GRB14: variants seen among roughly 807,000 people sequenced by gnomAD.
The protein encoded by GRB14 is growth factor receptor-bound protein 14.
In GRB14, 38 loss-of-function variants were observed where a neutral mutation model predicts 69.1. The ratio of observed to expected loss-of-function variants is 0.55; its 90% CI spans 0.42 to 0.72. The LOEUF is 0.72. GRB14 is among the 30% of genes least tolerant of loss of function. GRB14 has a pLI of 0.00. For synonymous variants in GRB14, 247 were observed against 241.3 expected (o/e 1.02, Z -0.22); for missense variants, 666 against 666.1 (o/e 1.00, Z 0.00).
intron 2 of GRB14, among the ~76,000 whole-genome samples, chr2:164,580,807 C>T (rs1181621403): frequency 6.6e-6 from 1 of 152,148 alleles, no homozygotes; most frequent in Non-Finnish European, 1.5e-5. Flanking sequence ...TGTAACTCAG[C>T]ACCCAGGAAT....
chr2:164,608,802 T>C (rs746598858), intron 2 of GRB14, among the ~76,000 whole-genome samples: 7 of 152,192 alleles, frequency 4.6e-5, no homozygotes, highest in South Asian at 2.1e-4. Context: ...ATATTTCTTA[T>C]GTTTTTCAGG....
chr2:164,497,476 C>T lies in GRB14; in HGVS notation c.1119G>A (p.Glu373=). Residue 373 remains glutamate (E), a synonymous_variant, in exon 10 of 14, where the codon GAG becomes GAA. Transcript: ENST00000263915. The stretch of plus-strand genomic sequence containing the variant: ...AGAAGTCCATTGCTACCAGGGAATT[C>T]TCTGATATACTTCTCTGGAAAAAAG... ...QSISPMRSIS[E]NSLVAMDFSG... 2.5e-6 allele frequency: 4 copies of T among 1,594,640 alleles called. No individual in the cohort carries two copies. The highest frequency in any genetic ancestry group is 3.4e-6 in the Non-Finnish European group (4 of 1,165,618).
At chr2:164,573,810 A>G (rs1454773451) in intron 2 of GRB14, 18 of 1,612,840 alleles carry the variant, frequency 1.1e-5, no homozygotes, top group Non-Finnish European at 1.4e-5. Flanking sequence ...ATGTTGGCAG[A>G]TAAATTGAAC....
Position 164,508,780 on chromosome 2 carries a change from T to G in GRB14, c.889A>C (p.Lys297Gln). The change falls in exon 7 of 14, where the codon AAA (lysine) becomes CAA (glutamine). Residue 297 changes from lysine (K) to glutamine (Q), a missense_variant. Lys to Gln is a moderately conservative substitution (Grantham distance 53, BLOSUM62 1). Transcript: ENST00000263915. ...DIYVSLAGKK[K>Q]HGAPTNYGFC... ...CCATAGTTAGTCGGTGCTCCATGTT[T>G]TTTTTTGCCTGCCAGTGACACATAA... 1 of 1,594,570 alleles carries G rather than the reference T, an allele frequency of 6.3e-7. No homozygotes were observed. The highest frequency in any genetic ancestry group is 8.5e-7 in the Non-Finnish European group (1 of 1,173,942).
chr2:164,515,424 C>T (rs759708673), intron 6 of GRB14, among the ~76,000 whole-genome samples: 25 of 152,280 alleles, frequency 1.6e-4, no homozygotes, highest in African/African-American at 3.6e-4. Flanking sequence ...GCCCAGGGCC[C>T]GGGAGCTCCA....
chr2:164,492,960 G>C lies in GRB14; in HGVS notation c.*76C>G. 1.5e-6 allele frequency: 2 copies of C among 1,315,920 alleles called. No individual in the cohort carries two copies. The highest frequency in any genetic ancestry group is 1.5e-5 in the African/African-American group (1 of 67,136). 81.5% of individuals were successfully genotyped at this position (1,315,920 alleles called of 1,614,324 possible). A position where few individuals can be genotyped will look rare whatever the true frequency, so the allele number is the denominator to read the frequency against. ...ATTCTTTTCACATGGTAATGTTTTC[G>C]CCCTTATTTATGGTCTTTTATTATT... On this transcript the variant is annotated 3_prime_UTR_variant, in exon 14 of 14. Transcript: ENST00000263915.
chr2:164,497,177 T>C (rs1686923237), intron 11 of GRB14, 34 bp downstream of exon 11: 3 of 1,601,986 alleles, frequency 1.9e-6, no homozygotes, highest in Non-Finnish European at 2.6e-6. Context: ...TGTCTATCCG[T>C]CTACTCAGTG....
At chr2:164,569,069 T>A (rs1304006759) in intron 2 of GRB14, among the ~76,000 whole-genome samples, 1 of 152,122 alleles carries the variant, frequency 6.6e-6, no homozygotes, top group African/African-American at 2.4e-5. Flanking sequence ...TAGTATTAAA[T>A]ACAAAGAGGG....
intron 2 of GRB14, among the ~76,000 whole-genome samples, chr2:164,597,777 A>T (rs181317309): frequency 2.2e-4 from 33 of 152,204 alleles, no homozygotes; most frequent in African/African-American, 7.7e-4. Context: ...GAAGCAAAAA[A>T]TAAAAACACT....
rs373970264 is a variant in GRB14, at chr2:164,497,061, T to C, written c.1329A>G (p.Lys443=). Residue 443 remains lysine (K), a synonymous_variant, in exon 12 of 14, where the codon AAA becomes AAG. Transcript: ENST00000263915. ...ATCGCTGAGCCTCATCTCTAGAAATTTTGTGGTGAAACCATGGCTGGGACC... is the reference window on the plus strand; with the variant it reads ...ATCGCTGAGCCTCATCTCTAGAAATCTTGTGGTGAAACCATGGCTGGGACC... The part of the protein sequence containing the change: ...IHRSQPWFHH[K]ISRDEAQRLI... 1.2e-6 allele frequency: 2 copies of C among 1,613,920 alleles called. No homozygotes were observed. Among genetic ancestry groups the C allele is most frequent in the Non-Finnish European group, 8.5e-7 (1 of 1,179,878 alleles).
intron 2 of GRB14, among the ~76,000 whole-genome samples, chr2:164,581,996 C>T (rs1255212775): frequency 1.3e-5 from 2 of 152,220 alleles, no homozygotes; most frequent in Non-Finnish European, 2.9e-5. Flanking sequence ...TCTGTTGACT[C>T]TCTTTTGTCC....
At chr2:164,545,778 T>A (rs1485325082) in intron 3 of GRB14, among the ~76,000 whole-genome samples, 1 of 152,162 alleles carries the variant, frequency 6.6e-6, no homozygotes, top group Non-Finnish European at 1.5e-5. Flanking sequence ...TGAAAACAAA[T>A]CTATAAAAAT....
intron 3 of GRB14, among the ~76,000 whole-genome samples, chr2:164,532,281 G>A (rs1477375280): frequency 6.6e-6 from 1 of 152,186 alleles, no homozygotes; most frequent in Admixed American, 6.5e-5. Flanking sequence ...TAACCTGTCT[G>A]TTCTTAAGCC....
chr2:164,593,901 A>C (rs763549018), intron 2 of GRB14, among the ~76,000 whole-genome samples: 74 of 152,296 alleles, frequency 4.9e-4, no homozygotes, highest in African/African-American at 1.5e-3. Flanking sequence ...AAGAAAATGA[A>C]GCAAATGGAA....
intron 2 of GRB14, among the ~76,000 whole-genome samples, chr2:164,589,201 T>C (rs987755791): frequency 3.9e-5 from 6 of 152,200 alleles, no homozygotes; most frequent in Non-Finnish European, 8.8e-5. Flanking sequence ...ATAATTATTA[T>C]ATTTTTGCTT....
At chr2:164,620,784 A>T (rs1159270801) in intron 1 of GRB14, among the ~76,000 whole-genome samples, 2 of 152,192 alleles carry the variant, frequency 1.3e-5, no homozygotes, top group Admixed American at 1.3e-4. Flanking sequence ...TTTTTAAAAT[A>T]TATAAAATAA....
At chr2:164,608,025 A>G (rs984243875) in intron 2 of GRB14, among the ~76,000 whole-genome samples, 12 of 152,196 alleles carry the variant, frequency 7.9e-5, no homozygotes, top group Admixed American at 3.9e-4. Flanking sequence ...CAATTGGCCA[A>G]ATCAGACTTA....
At chr2:164,584,334 A>G (rs1046579639) in intron 2 of GRB14, among the ~76,000 whole-genome samples, 2 of 151,680 alleles carry the variant, frequency 1.3e-5, no homozygotes, top group Admixed American at 6.6e-5. Context: ...TTTATTGGCT[A>G]TAGTTTAACC....
chr2:164,560,873 A>T (rs1355966487), intron 2 of GRB14, among the ~76,000 whole-genome samples: 1 of 152,172 alleles, frequency 6.6e-6, no homozygotes, highest in African/African-American at 2.4e-5. Context: ...CTCTTTGAGA[A>T]TTATCATAAT....
Sources: gnomAD v4.1 joint callset for allele counts (sites outside exome capture counted in the v4.1 genomes callset) on GRCh38, gnomAD v4.1.1 for gene constraint, MANE v1.5 for transcripts, NCBI Gene and HGNC (gene_info 2026-07-23, HGNC 2026-07-21) for gene names.